The following FAM184B variants were observed in gnomAD, a reference collection of about 807,000 sequenced individuals.
The protein encoded by FAM184B is protein FAM184B.
A neutral mutation model predicts 135.9 loss-of-function variants in FAM184B; 111 were observed. That is an observed-to-expected ratio of 0.82 (90% CI 0.70 to 0.96). FAM184B has a LOEUF of 0.96. Ranked by LOEUF, FAM184B falls within the 40% of genes least tolerant of loss-of-function variation. The probability of loss-of-function intolerance (pLI) is 0.00; values close to 1 mark genes in which losing one functional copy is unlikely to be tolerated. For missense variants in FAM184B, 1,375 were observed against 1,323.9 expected (o/e 1.04, Z -0.60); for synonymous variants, 552 against 524.8 (o/e 1.05, Z -0.71).
chr4:17,703,776 C>CA (rs1717043976), intron 5 of FAM184B, among the ~76,000 whole-genome samples: 1 of 151,748 alleles, frequency 6.6e-6, no homozygotes, highest in South Asian at 2.1e-4. Flanking sequence ...ACTAAAAATA[C>CA]AAAAATTAGC....
At chr4:17,707,571 C>A in intron 3 of FAM184B, 78 bp downstream of exon 3, 1 of 1,523,712 alleles carries the variant, frequency 6.6e-7, no homozygotes, top group Non-Finnish European at 8.8e-7. Context: ...CCTTAGCAGG[C>A]TTAGGCTGCC....
intron 13 of FAM184B, among the ~76,000 whole-genome samples, chr4:17,641,719 C>T (rs1324310829): frequency 7.5e-6 from 1 of 132,966 alleles, no homozygotes; most frequent in Non-Finnish European, 1.5e-5. Context: ...AGGCTGGTCT[C>T]GAATTCCTGA....
chr4:17,653,335 A>C (rs1715679388), intron 10 of FAM184B, among the ~76,000 whole-genome samples: 1 of 152,230 alleles, frequency 6.6e-6, no homozygotes, highest in Admixed American at 6.5e-5. Flanking sequence ...ACTCAGGAGC[A>C]CTAAGGTAAC....
chr4:17,706,931 A>AC (rs1392258789), intron 3 of FAM184B, among the ~76,000 whole-genome samples: 1 of 151,850 alleles, frequency 6.6e-6, no homozygotes, highest in Admixed American at 6.6e-5. Flanking sequence ...GATTACAGGC[A>AC]CCCCTCACTG....
chr4:17,634,687 C>T (rs970209643), intron 16 of FAM184B, among the ~76,000 whole-genome samples: 2 of 152,142 alleles, frequency 1.3e-5, no homozygotes, highest in African/African-American at 4.8e-5. Flanking sequence ...TGTGAATATG[C>T]TCATTGTGAA....
chr4:17,686,789 A>T (rs2108955498), intron 7 of FAM184B, among the ~76,000 whole-genome samples: 1 of 152,334 alleles, frequency 6.6e-6, no homozygotes, highest in Admixed American at 6.5e-5. Context: ...AAAAAATAGA[A>T]AAATTAGCTG....
intron 1 of FAM184B, among the ~76,000 whole-genome samples, chr4:17,747,659 C>T (rs1292925609): frequency 2.6e-5 from 4 of 151,990 alleles, no homozygotes; most frequent in Non-Finnish European, 4.4e-5. Flanking sequence ...CGGTGGCTCA[C>T]GCCTGTAATC....
chr4:17,710,658 C>T (rs1717245809), intron 1 of FAM184B, among the ~76,000 whole-genome samples: 1 of 152,074 alleles, frequency 6.6e-6, no homozygotes, highest in Non-Finnish European at 1.5e-5. Flanking sequence ...GTCTGTTCTC[C>T]CACTTTTAAC....
At chr4:17,767,105 G>C (rs577812922) in intron 1 of FAM184B, among the ~76,000 whole-genome samples, 3 of 152,148 alleles carry the variant, frequency 2.0e-5, no homozygotes, top group Non-Finnish European at 4.4e-5. Context: ...CTCCGAGTGC[G>C]GGGCCGCCGA....
chr4:17,650,359 T>C (rs1715581678), intron 11 of FAM184B, among the ~76,000 whole-genome samples: 1 of 152,200 alleles, frequency 6.6e-6, no homozygotes, highest in African/African-American at 2.4e-5. Context: ...CTGCCATTAC[T>C]GTAGGTGCTT....
intron 1 of FAM184B, among the ~76,000 whole-genome samples, chr4:17,735,964 C>T (rs1175898561): frequency 6.6e-6 from 1 of 152,106 alleles, no homozygotes; most frequent in African/African-American, 2.4e-5. Flanking sequence ...GCTCAGCAAA[C>T]CAGTTTTACA....
intron 1 of FAM184B, among the ~76,000 whole-genome samples, chr4:17,762,498 A>G (rs1003407434): frequency 6.6e-6 from 1 of 152,208 alleles, no homozygotes. Context: ...GGGCCAGGCT[A>G]CAGAGCAGTG....
At chr4:17,726,415 A>G (rs1020890463) in intron 1 of FAM184B, among the ~76,000 whole-genome samples, 5 of 152,108 alleles carry the variant, frequency 3.3e-5, no homozygotes, top group Non-Finnish European at 7.4e-5. Context: ...CTTGTTGACC[A>G]GGCTGGAGTG....
At position 17,767,350 on chromosome 4, in the gene FAM184B, A is replaced by G. The variant is rs569089960; in HGVS notation, c.141+13809T>C. Among the ~76,000 whole-genome samples, 5 of 152,356 alleles carry G rather than the reference A, an allele frequency of 3.3e-5. No homozygotes were observed. The South Asian group carries it at 6.2e-4, about 19-fold the overall frequency. ...GCCAGCTAGGGCTGCCAGGGCTGCC[A>G]GCATGCTGTCACCTCTCAGTAAGTC... On this transcript the variant is annotated intron_variant, in intron 1 of 17. Transcript: ENST00000265018.
intron 1 of FAM184B, among the ~76,000 whole-genome samples, chr4:17,741,315 A>T (rs1177077694): frequency 6.6e-6 from 1 of 152,234 alleles, no homozygotes; most frequent in East Asian, 1.9e-4. Context: ...TCACTGAGAA[A>T]GTGACATGCG....
Position 17,687,649 on chromosome 4 carries a change from A to C in FAM184B, c.1596+775T>G, listed in dbSNP as rs1048411133. Among the ~76,000 whole-genome samples, 4 of 152,332 alleles carry C rather than the reference A, an allele frequency of 2.6e-5. No individual in the cohort carries two copies. In the East Asian group the frequency reaches 7.7e-4, roughly 29 times the overall value. On this transcript the variant is annotated intron_variant, in intron 7 of 17. Transcript: ENST00000265018. The stretch of plus-strand genomic sequence containing the variant: ...CTTTATAAGAAGGCTGTGTGAAGGC[A>C]CAAAGACTCAGAGACAAGGGGAAAG...
At chr4:17,695,743 C>G (rs1386244179) in intron 5 of FAM184B, among the ~76,000 whole-genome samples, 1 of 152,072 alleles carries the variant, frequency 6.6e-6, no homozygotes, top group East Asian at 1.9e-4. Flanking sequence ...GATTCAGGGA[C>G]CATCTGAGGA....
chr4:17,707,718 G>GT lies in FAM184B; in HGVS notation c.960dup (p.Leu321ThrfsTer29), dbSNP rs1376616218. On this transcript the variant is annotated frameshift_variant, in exon 3 of 18. Coordinates refer to ENST00000265018, the MANE Select transcript of FAM184B (RefSeq NM_015688.2). LOFTEE classifies it high-confidence loss of function. Reference sequence around the variant, plus strand: ...TTGGCAACAGCCAGCTTCTCCCCAAGTTTTTTTGCAGTGCCTTTCAACTCT... The same window carrying GT: ...TTGGCAACAGCCAGCTTCTCCCCAAGTTTTTTTTGCAGTGCCTTTCAACTCT... 6.4e-6 allele frequency: 10 copies of GT among 1,551,712 alleles called. No homozygotes were observed. The highest frequency in any genetic ancestry group is 2.4e-5 in the East Asian group (1 of 40,942).
At chr4:17,641,797 C>T (rs1016867453) in intron 13 of FAM184B, among the ~76,000 whole-genome samples, 1 of 151,680 alleles carries the variant, frequency 6.6e-6, no homozygotes, top group Non-Finnish European at 1.5e-5. Flanking sequence ...CGCGCCCAGC[C>T]AGACTCCCTC....
Sources: gnomAD v4.1 joint callset for allele counts (sites outside exome capture counted in the v4.1 genomes callset) on GRCh38, gnomAD v4.1.1 for gene constraint, MANE v1.5 for transcripts, NCBI Gene and HGNC (gene_info 2026-07-23, HGNC 2026-07-21) for gene names.